The following TRIOBP variants were observed in gnomAD, a reference collection of about 807,000 sequenced individuals.
TRIOBP encodes TRIO and F-actin-binding protein.
A neutral mutation model predicts 238.8 loss-of-function variants in TRIOBP; 169 were observed. The observed-to-expected ratio is 0.71, with a 90% confidence interval of 0.62 to 0.80. The LOEUF (loss-of-function observed/expected upper bound fraction) is 0.80, where lower values mean the gene tolerates loss of function less well. Among genes scored for constraint, TRIOBP ranks in the 30% least tolerant of loss-of-function variants. TRIOBP has a pLI of 0.00. For missense variants in TRIOBP, 2,838 were observed against 3,122.6 expected (o/e 0.91, Z 2.17); for synonymous variants, 1,150 against 1,274.4 (o/e 0.90, Z 2.08).
chr22:37,761,879 G>A (rs1926262375), intron 17 of TRIOBP, among the ~76,000 whole-genome samples: 1 of 151,958 alleles, frequency 6.6e-6, no homozygotes, highest in South Asian at 2.1e-4. Context: ...CCCACCCTGA[G>A]GCAGAGAAGG....
chr22:37,703,680 C>T (rs1230144678), intron 3 of TRIOBP, among the ~76,000 whole-genome samples: 4 of 151,398 alleles, frequency 2.6e-5, no homozygotes, highest in Non-Finnish European at 5.9e-5. Flanking sequence ...AATTTTTTGT[C>T]TTTTTAGTAG....
chr22:37,723,316 A>C lies in TRIOBP; in HGVS notation c.760A>C (p.Ser254Arg), dbSNP rs771542929. 24 of 1,613,936 alleles carry C rather than the reference A, an allele frequency of 1.5e-5. No homozygotes were observed. The highest frequency in any genetic ancestry group is 9.3e-6 in the Non-Finnish European group (11 of 1,179,982). ...SSMTPHSGPR[S>R]TTSQASPAQR... ...CATGACACCACACAGTGGACCTCGA[A>C]GCACCACGTCTCAGGCTTCTCCTGC... The change falls in exon 7 of 24, where the codon AGC becomes CGC. Residue 254 changes from serine to arginine, a missense_variant. Physicochemically the swap from Ser to Arg is moderately radical, Grantham distance 110 (BLOSUM62 -1). Coordinates refer to ENST00000644935, the MANE Select transcript of TRIOBP (RefSeq NM_001039141.3).
chr22:37,716,342 C>G (rs1158294390), intron 6 of TRIOBP, among the ~76,000 whole-genome samples: 1 of 152,030 alleles, frequency 6.6e-6, no homozygotes, highest in Admixed American at 6.6e-5. Flanking sequence ...AAACTCCCAA[C>G]CTTCAGTGAT....
intron 2 of TRIOBP, among the ~76,000 whole-genome samples, chr22:37,698,199 C>CAAAAA (rs1289082507): frequency 4.7e-5 from 3 of 63,704 alleles, no homozygotes; most frequent in African/African-American, 1.9e-4. Context: ...GATTCTGTCT[C>CAAAAA]AAAAAAAAAA....
In TRIOBP at chr22:37,726,081, A is replaced by T; in HGVS notation, c.3525A>T (p.Ser1175=). 6.5e-7 allele frequency: 1 copy of T among 1,538,352 alleles called. No homozygotes were observed. Among genetic ancestry groups the T allele is most frequent in the Non-Finnish European group, 8.8e-7 (1 of 1,139,244 alleles). Residue 1175 remains serine, a synonymous_variant, in exon 7 of 24, where the codon TCA becomes TCT. Transcript: ENST00000644935. ...GGCACCGGGATGCACCCTCCTTCTC[A>T]TCCCCACCACGCCAGGCTCCTGAGC... The part of the protein sequence containing the change: ...CIGHRDAPSF[S]SPPRQAPEPS...
rs144988985 is a variant in TRIOBP at position 37,751,819 on chromosome 22, G to A, written c.5370G>A (p.Glu1790=). ...AGGGATGGATGTCGATCTTGGACGA[G>A]CCTGGAGAGGTAAGAGGACTGAGGC... ...FKKGWMSILD[E]PGEPPSPSLT... Residue 1790 remains glutamate, a synonymous_variant, in exon 12 of 24, where the codon GAG becomes GAA. Coordinates refer to ENST00000644935, the MANE Select transcript of TRIOBP (RefSeq NM_001039141.3). 1 of 1,614,044 alleles carries A rather than the reference G, an allele frequency of 6.2e-7. No individual in the cohort carries two copies. The highest frequency in any genetic ancestry group is 1.7e-5 in the Admixed American group (1 of 60,018).
At chr22:37,755,008 A>G (rs1013883627) in intron 13 of TRIOBP, 24 bp downstream of exon 13, 6 of 1,612,172 alleles carry the variant, frequency 3.7e-6, no homozygotes, top group Non-Finnish European at 5.1e-6. Context: ...TGTACTGATG[A>G]ACCCCCGGAA....
intron 3 of TRIOBP, 85 bp downstream of exon 3, chr22:37,701,564 G>T (rs1922646803): frequency 1.0e-6 from 1 of 963,622 alleles, no homozygotes; most frequent in Non-Finnish European, 1.6e-6. Context: ...CTAACTCGCA[G>T]TTGAACCCAG....
chr22:37,706,846 A>G (rs1368817856), intron 3 of TRIOBP, among the ~76,000 whole-genome samples: 3 of 151,542 alleles, frequency 2.0e-5, no homozygotes, highest in Admixed American at 1.3e-4. Flanking sequence ...TGCTCTGATG[A>G]TGATCAAGGC....
At position 37,768,823 on chromosome 22, in the gene TRIOBP, A is replaced by G. The variant is rs556869686; in HGVS notation, c.6576-205A>G. 4.1e-4 allele frequency among the ~76,000 whole-genome samples: 62 copies of G among 151,270 alleles called. No homozygotes were observed. In the East Asian group the frequency reaches 0.011, roughly 28 times the overall value. On this transcript the variant is annotated intron_variant, in intron 19 of 23. Transcript: ENST00000644935. ...ACTCCATCTAAAAAAAAAAAAAAAG[A>G]TGGGCTCCTCCAAGCCACCCTCACT...
At chr22:37,728,749 TAGGGTG>T (rs1398525244) in intron 7 of TRIOBP, among the ~76,000 whole-genome samples, 1 of 152,108 alleles carries the variant, frequency 6.6e-6, no homozygotes, top group Admixed American at 6.6e-5. Flanking sequence ...TACTGGGCAG[TAGGGTG>T]ATACATTTGT....
chr22:37,743,872 T>TGTGTGTGTGAGTGTGTGCTGG (rs1404369766), intron 11 of TRIOBP, among the ~76,000 whole-genome samples: 60 of 536 alleles, frequency 0.11, no homozygotes, highest in Non-Finnish European at 0.11. Context: ...GTGTGCTGGG[T>TGTGTGTGTGAGTGTGTGCTGG]GTGTGTGTGT....
intron 15 of TRIOBP, among the ~76,000 whole-genome samples, chr22:37,757,137 G>A (rs1263706231): frequency 6.6e-6 from 1 of 152,172 alleles, no homozygotes; most frequent in Non-Finnish European, 1.5e-5. Flanking sequence ...TGAGGTGGGA[G>A]GAGCACGTGA....
rs1433949055 is a variant in TRIOBP, at chr22:37,715,925, A to G, written c.619A>G (p.Lys207Glu). The G allele has an allele frequency of 1.9e-6, 3 of 1,612,638 alleles. No homozygotes were observed. Among genetic ancestry groups the G allele is most frequent in the Non-Finnish European group, 1.7e-6 (2 of 1,179,818 alleles). The change falls in exon 6 of 24, where the codon AAA becomes GAA. Residue 207 changes from lysine to glutamate, a missense_variant. This residue lies in a region of TRIOBP where 535 missense variants were observed against 537.3 expected (regional missense o/e 1.00). Coordinates refer to ENST00000644935, the MANE Select transcript of TRIOBP (RefSeq NM_001039141.3). Reference sequence around the variant, plus strand: ...TGTGGGAGGAGATGCTGCAGGCCAGAAAAAGGAGGGTGAGTCCTTCTGCCA... The same window carrying G: ...TGTGGGAGGAGATGCTGCAGGCCAGGAAAAGGAGGGTGAGTCCTTCTGCCA... ...SPVGGDAAGQ[K>E]KEDTGGGGRS... is the part of the protein sequence containing the mutation.
intron 2 of TRIOBP, among the ~76,000 whole-genome samples, chr22:37,698,706 G>A (rs562658472): frequency 2.6e-5 from 4 of 152,128 alleles, no homozygotes; most frequent in African/African-American, 4.8e-5. Context: ...GCGTGGTGGC[G>A]TACACCTGTA....
At chr22:37,739,420 C>A (rs1044618518) in intron 10 of TRIOBP, among the ~76,000 whole-genome samples, 3 of 96,026 alleles carry the variant, frequency 3.1e-5, no homozygotes, top group African/African-American at 1.3e-4. Context: ...CAGGGAGCGT[C>A]CATTGGGCAG....
chr22:37,773,177 GTGGTTGGTTGGTTGGT>G (rs3041692), intron 23 of TRIOBP, among the ~76,000 whole-genome samples: 50 of 150,076 alleles, frequency 3.3e-4, no homozygotes, highest in East Asian at 1.2e-3. Context: ...AGGGCTCAAA[GTGGTTGGTTGGTTGGT>G]TGGTTGGTTG....
At chr22:37,761,178 G>C (rs1926227609) in intron 17 of TRIOBP, among the ~76,000 whole-genome samples, 1 of 152,040 alleles carries the variant, frequency 6.6e-6, no homozygotes, top group Non-Finnish European at 1.5e-5. Context: ...GCCTGGTACG[G>C]TGGCTAATGC....
chr22:37,761,675 C>A (rs1427650729), intron 17 of TRIOBP, among the ~76,000 whole-genome samples: 3 of 152,070 alleles, frequency 2.0e-5, no homozygotes, highest in Non-Finnish European at 4.4e-5. Context: ...GGCAGAGGGG[C>A]CTTTGGGGGC....
Sources: gnomAD v4.1 joint callset for allele counts (sites outside exome capture counted in the v4.1 genomes callset) on GRCh38, gnomAD v4.1.1 for gene constraint, gnomAD v4.1.1 regional missense constraint, MANE v1.5 for transcripts, NCBI Gene and HGNC (gene_info 2026-07-23, HGNC 2026-07-21) for gene names.